RO60: variants seen among roughly 807,000 people sequenced by gnomAD.
The protein encoded by RO60 is RNA-binding protein RO60.
RO60 carries 20 observed loss-of-function variants against 55.3 expected under a neutral mutation model. That is an observed-to-expected ratio of 0.36 (90% CI 0.25 to 0.53). The LOEUF (loss-of-function observed/expected upper bound fraction) is 0.53, where lower values mean the gene tolerates loss of function less well. RO60 is among the 20% of genes least tolerant of loss of function. The pLI is 0.92. For missense variants in RO60, 558 were observed against 646.6 expected (o/e 0.86, Z 1.49); for synonymous variants, 213 against 213.6 (o/e 1.00, Z 0.02).
chr1:193,077,143 A>T (rs1673979707), intron 5 of RO60, 93 bp downstream of exon 5: 1 of 1,229,076 alleles, frequency 8.1e-7, no homozygotes, highest in Admixed American at 2.8e-5. Flanking sequence ...TAGTTTAATC[A>T]TTTTTTAATT....
chr1:193,076,745 A>T (rs1673949164), intron 4 of RO60, 98 bp downstream of exon 4: 3 of 1,374,710 alleles, frequency 2.2e-6, no homozygotes, highest in Admixed American at 2.3e-5. Flanking sequence ...GTATTTCGAG[A>T]TGTTCATTAT....
At chr1:193,065,440 T>G (rs1196068481) in intron 1 of RO60, among the ~76,000 whole-genome samples, 3 of 152,206 alleles carry the variant, frequency 2.0e-5, no homozygotes, top group Non-Finnish European at 2.9e-5. Flanking sequence ...TAGATGTCAT[T>G]TCAGTGTTAC....
chr1:193,090,294 G>A lies in RO60; in HGVS notation c.*5563G>A, dbSNP rs529212787. On this transcript the variant is annotated 3_prime_UTR_variant, in exon 9 of 9. Transcript: ENST00000400968. ...ATATCATTACCAGATATAATTGAGG[G>A]AATATTATATCAACAAACATATTGA... 49 of 151,914 alleles carry A rather than the reference G, an allele frequency of 3.2e-4. No homozygotes were observed. The highest frequency in any genetic ancestry group is 1.1e-3 in the African/African-American group (47 of 41,442). 9.4% of individuals were successfully genotyped at this position (151,914 alleles called of 1,614,324 possible). A position where few individuals can be genotyped will look rare whatever the true frequency, so the allele number is the denominator to read the frequency against.
At chr1:193,082,337 T>A in intron 7 of RO60, 38 bp downstream of exon 7, 1 of 1,454,812 alleles carries the variant, frequency 6.9e-7, no homozygotes, top group Non-Finnish European at 9.5e-7. Context: ...TTAGTTAAGT[T>A]TACATAACGT....
chr1:193,070,245 C>T (rs1673394529), intron 2 of RO60, among the ~76,000 whole-genome samples: 1 of 151,816 alleles, frequency 6.6e-6, no homozygotes, highest in African/African-American at 2.4e-5. Context: ...TTCCTTTTTT[C>T]CCTCCCCATC....
In RO60 at chr1:193,085,994, G is replaced by A. The variant is rs1674607693; in HGVS notation, c.*1263G>A. 4 of 985,128 alleles carry A rather than the reference G, an allele frequency of 4.1e-6. No homozygotes were observed. The highest frequency in any genetic ancestry group is 3.6e-6 in the Non-Finnish European group (3 of 829,860). The allele number at this position is 985,128 out of a possible 1,614,324, so 61.0% of individuals were successfully genotyped here. A position where few individuals can be genotyped will look rare whatever the true frequency, so the allele number is the denominator to read the frequency against. ...AATCTGTTGAAATGCCATTATCTTT[G>A]CTCATAATTTTATTATGGCCGTCTA... is the stretch of plus-strand genomic sequence containing the variant. On this transcript the variant is annotated 3_prime_UTR_variant, in exon 9 of 9. Coordinates refer to ENST00000400968, the MANE Select transcript of RO60 (RefSeq NM_001173524.2).
rs1471196347 is a variant in RO60 at position 193,090,978 on chromosome 1, G to A, written c.*6247G>A. The A allele has an allele frequency of 6.6e-6, 1 of 152,088 alleles. No homozygotes were observed. The highest frequency in any genetic ancestry group is 1.9e-4 in the East Asian group (1 of 5,192). 9.4% of individuals were successfully genotyped at this position (152,088 alleles called of 1,614,324 possible). On this transcript the variant is annotated 3_prime_UTR_variant, in exon 9 of 9. Transcript: ENST00000400968. ...CCAATAACAGGAAAATCTAGATACAGTGATGTGTTATACATACATGACTGT... is the reference window on the plus strand; with the variant it reads ...CCAATAACAGGAAAATCTAGATACAATGATGTGTTATACATACATGACTGT...
Position 193,059,958 on chromosome 1 carries a change from C to G in RO60, c.-22+182C>G. On this transcript the variant is annotated intron_variant, in intron 1 of 8. Transcript: ENST00000400968. The surrounding 1 kb of genome is among the most constrained non-coding windows in gnomAD (Gnocchi z 4.9). ...TGTCCACCCTGGGTAACGGAACCAG[C>G]ATCGCGGTAGGGACATCCTCGCTAG... The G allele has an allele frequency of 2.9e-6, 4 of 1,366,490 alleles. No individual in the cohort carries two copies. Among genetic ancestry groups the G allele is most frequent in the Non-Finnish European group, 2.9e-6 (3 of 1,021,832 alleles). The allele number at this position is 1,366,490 out of a possible 1,614,324, so 84.6% of individuals were successfully genotyped here. A position where few individuals can be genotyped will look rare whatever the true frequency, so the allele number is the denominator to read the frequency against.
intron 2 of RO60, among the ~76,000 whole-genome samples, chr1:193,073,427 C>T (rs1365293984): frequency 6.6e-6 from 1 of 152,170 alleles, no homozygotes; most frequent in African/African-American, 2.4e-5. Flanking sequence ...TAAAAATCGA[C>T]ATAAAAACCC....
chr1:193,062,975 G>A (rs1391426827), intron 1 of RO60, among the ~76,000 whole-genome samples: 1 of 152,068 alleles, frequency 6.6e-6, no homozygotes, highest in Non-Finnish European at 1.5e-5. Flanking sequence ...TGACCGTTAT[G>A]AGTAATGTTG....
Position 193,069,339 on chromosome 1 carries a change from A to C in RO60, c.285A>C (p.Ala95=), listed in dbSNP as rs1429385182. The stretch of plus-strand genomic sequence containing the variant: ...CAAAGCAAGAGCCTATGCTCTTTGC[A>C]CTTGCCATTTGTTCCCAGTGCTCCG... The part of the protein sequence containing the change: ...RTTKQEPMLF[A]LAICSQCSDI... Residue 95 remains alanine, a synonymous_variant, in exon 2 of 9, where the codon GCA becomes GCC. Transcript: ENST00000400968. 1.2e-6 allele frequency: 2 copies of C among 1,614,162 alleles called. No individual in the cohort carries two copies. The highest frequency in any genetic ancestry group is 1.7e-6 in the Non-Finnish European group (2 of 1,180,062).
Position 193,076,656 on chromosome 1 carries a change from T to C in RO60, c.948+9T>C, listed in dbSNP as rs777807383. ...AAAAACTATTAAAAAAGGTAAGCAT[T>C]ATCATTGTTCTTTATTAGCTACTAC... On this transcript the variant is annotated intron_variant, in intron 4 of 8. Transcript: ENST00000400968. 1.3e-5 allele frequency: 20 copies of C among 1,588,958 alleles called. No homozygotes were observed. Among genetic ancestry groups the C allele is most frequent in the Non-Finnish European group, 1.7e-5 (20 of 1,169,754 alleles).
intron 8 of RO60, 101 bp from the exon 9 acceptor site, chr1:193,084,478 A>T: frequency 7.4e-7 from 1 of 1,349,736 alleles, no homozygotes; most frequent in Non-Finnish European, 9.8e-7. Flanking sequence ...TTTGTATTTA[A>T]AAAGCTCTGG....
rs960408077 is a variant in RO60, at chr1:193,089,351, A to ATAT, written c.*4621_*4623dup. On this transcript the variant is annotated 3_prime_UTR_variant, in exon 9 of 9. Coordinates refer to ENST00000400968, the MANE Select transcript of RO60 (RefSeq NM_001173524.2). The stretch of plus-strand genomic sequence containing the variant: ...TGGTTTACTAAATATTTCACTGAGC[A>ATAT]TATATAGAGATACGTTGCTTGTGGC... The ATAT allele has an allele frequency of 1.3e-5, 2 of 152,212 alleles. No homozygotes were observed. Among genetic ancestry groups the ATAT allele is most frequent in the African/African-American group, 4.8e-5 (2 of 41,472 alleles). 9.4% of individuals were successfully genotyped at this position (152,212 alleles called of 1,614,324 possible).
chr1:193,076,791 A>G, intron 4 of RO60, 122 bp from the exon 5 acceptor site: 1 of 1,330,378 alleles, frequency 7.5e-7, no homozygotes, highest in Non-Finnish European at 1.0e-6. Context: ...TGTAAGTTTA[A>G]TACATTTTCA....
chr1:193,076,417 T>A, intron 3 of RO60, 84 bp from the exon 4 acceptor site: 1 of 1,412,630 alleles, frequency 7.1e-7, no homozygotes, highest in South Asian at 1.3e-5. Flanking sequence ...AGAGACTGTA[T>A]TATGAATATT....
downstream of RO60, chr1:193,091,572 GA>G (rs1171910125): frequency 8.6e-7 from 1 of 1,165,962 alleles, no homozygotes; most frequent in African/African-American, 1.5e-5. Context: ...GAGAATGAAT[GA>G]ATATATTAAT....
Position 193,084,773 on chromosome 1 carries a change from G to A in RO60, c.*42G>A, listed in dbSNP as rs764137144. Reference sequence around the variant, plus strand: ...GATCCAGAGATCCATTGCCATCAGTGATCTCACTAAAAATATACAGCTACT... The same window carrying A: ...GATCCAGAGATCCATTGCCATCAGTAATCTCACTAAAAATATACAGCTACT... On this transcript the variant is annotated 3_prime_UTR_variant, in exon 9 of 9. Coordinates refer to ENST00000400968, the MANE Select transcript of RO60 (RefSeq NM_001173524.2). The A allele has an allele frequency of 6.3e-7, 1 of 1,590,978 alleles. No homozygotes were observed. Among genetic ancestry groups the A allele is most frequent in the Non-Finnish European group, 8.5e-7 (1 of 1,170,196 alleles).
At chr1:193,074,417 A>G (rs950541050) in intron 2 of RO60, among the ~76,000 whole-genome samples, 2 of 152,160 alleles carry the variant, frequency 1.3e-5, no homozygotes, top group African/African-American at 4.8e-5. Context: ...TGACTTTTTA[A>G]TGATCGTCAT....
Sources: allele counts gnomAD v4.1 joint callset (sites outside exome capture counted in the v4.1 genomes callset), GRCh38; gene constraint gnomAD v4.1.1; non-coding constraint Gnocchi (gnomAD v3.1); transcripts MANE v1.5; gene names NCBI Gene and HGNC (gene_info 2026-07-23, HGNC 2026-07-21).